The following TOX variants were observed in gnomAD, a reference collection of about 807,000 sequenced individuals.
TOX encodes thymocyte selection associated high mobility group box.
A neutral mutation model predicts 53.7 loss-of-function variants in TOX; 11 were observed. The observed-to-expected ratio is 0.20, with a 90% CI of 0.13 to 0.34. The LOEUF is 0.34. Ranked by LOEUF, TOX falls within the 10% of genes least tolerant of loss-of-function variation. The pLI is 1.00. For missense variants in TOX, 570 were observed against 664.6 expected, an observed-to-expected ratio of 0.86 and a Z score of 1.56; for synonymous variants, 225 against 245.3, an observed-to-expected ratio of 0.92 and a Z score of 0.77.
chr8:59,085,978 T>TC, intron 1 of TOX, among the ~76,000 whole-genome samples: 1 of 125,728 alleles, frequency 8.0e-6, no homozygotes, highest in South Asian at 2.2e-4. Flanking sequence ...TCTTTTCTTT[T>TC]CTTTTTTTTT....
intron 1 of TOX, among the ~76,000 whole-genome samples, chr8:58,979,901 G>A (rs914493038): frequency 5.9e-5 from 9 of 152,262 alleles, no homozygotes; most frequent in South Asian, 4.2e-4. Flanking sequence ...TACAAACTGC[G>A]TAAGATAGAG....
chr8:58,858,263 C>G (rs1810948751), intron 3 of TOX, among the ~76,000 whole-genome samples: 1 of 152,152 alleles, frequency 6.6e-6, no homozygotes, highest in Admixed American at 6.6e-5. Flanking sequence ...CGATGGAGGG[C>G]CTGCCTTTCA....
intron 1 of TOX, among the ~76,000 whole-genome samples, chr8:59,099,609 G>T (rs1048322444): frequency 2.6e-5 from 4 of 152,130 alleles, no homozygotes; most frequent in Non-Finnish European, 5.9e-5. Flanking sequence ...ATTAGCACTT[G>T]GCTCAAATCT....
chr8:58,985,667 A>T (rs1212451239), intron 1 of TOX, among the ~76,000 whole-genome samples: 1 of 152,240 alleles, frequency 6.6e-6, no homozygotes, highest in Non-Finnish European at 1.5e-5. Context: ...CACAGTTTTT[A>T]AAATTTAAAA....
intron 1 of TOX, among the ~76,000 whole-genome samples, chr8:58,982,405 C>A (rs1302922666): frequency 6.6e-6 from 1 of 152,208 alleles, no homozygotes; most frequent in Non-Finnish European, 1.5e-5. Context: ...TCCATCTTTT[C>A]ATTCTTATGC....
intron 1 of TOX, among the ~76,000 whole-genome samples, chr8:59,033,224 G>T (rs1460559576): frequency 6.6e-6 from 1 of 152,168 alleles, no homozygotes; most frequent in African/African-American, 2.4e-5. Context: ...TTAAAACATG[G>T]TCCCCAAATT....
chr8:59,032,545 A>G (rs1585976335), intron 1 of TOX, among the ~76,000 whole-genome samples: 1 of 152,136 alleles, frequency 6.6e-6, no homozygotes, highest in South Asian at 2.1e-4. Flanking sequence ...CTCCTTCTTC[A>G]CCTATACCTC....
intron 1 of TOX, among the ~76,000 whole-genome samples, chr8:59,001,969 C>CTTT (rs1182278313): frequency 3.7e-4 from 42 of 114,620 alleles, no homozygotes; most frequent in Middle Eastern, 5.2e-3. Context: ...TACAGAAGTA[C>CTTT]TTTTTTTTTT....
intron 1 of TOX, among the ~76,000 whole-genome samples, chr8:58,991,508 C>T (rs992691215): frequency 6.6e-6 from 1 of 152,150 alleles, no homozygotes; most frequent in African/African-American, 2.4e-5. Flanking sequence ...TCGCTTAGGT[C>T]CTCAGAACTT....
At chr8:59,097,320 T>A (rs946571549) in intron 1 of TOX, among the ~76,000 whole-genome samples, 1 of 152,064 alleles carries the variant, frequency 6.6e-6, no homozygotes, top group African/African-American at 2.4e-5. Context: ...TTATAGACAG[T>A]GTGAGCTCCT....
chr8:59,035,100 C>T (rs1365636648), intron 1 of TOX, among the ~76,000 whole-genome samples: 1 of 152,070 alleles, frequency 6.6e-6, no homozygotes, highest in African/African-American at 2.4e-5. Flanking sequence ...CCGCAACCAC[C>T]CCAGTTTATC....
chr8:58,994,436 G>T (rs539675931), intron 1 of TOX, among the ~76,000 whole-genome samples: 1 of 151,572 alleles, frequency 6.6e-6, no homozygotes, highest in East Asian at 1.9e-4. Context: ...GCGCATGTGT[G>T]TGTATTTTTT....
At chr8:58,958,420 T>A (rs776215749) in intron 2 of TOX, among the ~76,000 whole-genome samples, 36 of 152,234 alleles carry the variant, frequency 2.4e-4, no homozygotes, top group Non-Finnish European at 4.6e-4. Context: ...TTTGTGTTTC[T>A]ACTGTTTCAA....
At chr8:58,907,565 AGCC>A (rs1477990559) in intron 3 of TOX, among the ~76,000 whole-genome samples, 1 of 152,148 alleles carries the variant, frequency 6.6e-6, no homozygotes, top group Non-Finnish European at 1.5e-5. Flanking sequence ...ATTGCACTCC[AGCC>A]TGTGCGACAG....
chr8:59,091,327 C>T (rs905137431), intron 1 of TOX, among the ~76,000 whole-genome samples: 1 of 152,178 alleles, frequency 6.6e-6, no homozygotes, highest in Non-Finnish European at 1.5e-5. Flanking sequence ...GATGACACTC[C>T]CCAGAACTCT....
At chr8:58,925,350 TCG>T (rs1234879179) in intron 3 of TOX, among the ~76,000 whole-genome samples, 1 of 152,204 alleles carries the variant, frequency 6.6e-6, no homozygotes, top group Non-Finnish European at 1.5e-5. Context: ...TAAGCATTCA[TCG>T]CGCAGTTAGC....
At chr8:58,835,682 A>G (rs1311053000) in intron 5 of TOX, among the ~76,000 whole-genome samples, 3 of 152,200 alleles carry the variant, frequency 2.0e-5, no homozygotes, top group South Asian at 2.1e-4. Flanking sequence ...TAATATTGAC[A>G]ATGTAAAGAA....
At chr8:58,861,003 C>G (rs1383657353) in intron 3 of TOX, among the ~76,000 whole-genome samples, 1 of 152,110 alleles carries the variant, frequency 6.6e-6, no homozygotes, top group Non-Finnish European at 1.5e-5. Flanking sequence ...CAGATTGAGC[C>G]ACCTCGTTTC....
At chr8:59,104,143 C>T (rs1804854305) in intron 1 of TOX, among the ~76,000 whole-genome samples, 1 of 152,226 alleles carries the variant, frequency 6.6e-6, no homozygotes, top group Non-Finnish European at 1.5e-5. Context: ...CACATTGTTA[C>T]TAGAAATGAA....
Sources: allele counts gnomAD v4.1 joint callset (sites outside exome capture counted in the v4.1 genomes callset), GRCh38; gene constraint gnomAD v4.1.1; transcripts MANE v1.5; gene names NCBI Gene and HGNC (gene_info 2026-07-23, HGNC 2026-07-21).